The following STXBP3 variants were observed in gnomAD, a reference collection of about 807,000 sequenced individuals.
STXBP3 encodes the protein syntaxin binding protein 3.
Under a neutral mutation model 85.7 loss-of-function variants are expected in STXBP3, and 41 were observed. The observed-to-expected ratio is 0.48, with a 90% confidence interval of 0.37 to 0.62. The LOEUF is 0.62. Among genes scored for constraint, STXBP3 ranks in the 20% least tolerant of loss-of-function variants. The probability of loss-of-function intolerance (pLI) is 0.00; values close to 1 mark genes in which losing one functional copy is unlikely to be tolerated. For missense variants in STXBP3, 563 were observed against 703.1 expected (o/e 0.80, Z 2.25); for synonymous variants, 229 against 231.7 (o/e 0.99, Z 0.10).
chr1:108,784,171 T>C (rs559075839), intron 11 of STXBP3, among the ~76,000 whole-genome samples: 2 of 152,382 alleles, frequency 1.3e-5, no homozygotes, highest in South Asian at 4.1e-4. Flanking sequence ...GTCATTAATA[T>C]ATTCTTCTGT....
chr1:108,807,257 CAAAAAAA>C (rs201346701), intron 17 of STXBP3, 137 bp from the exon 18 acceptor site: 22 of 699,698 alleles, frequency 3.1e-5, no homozygotes, highest in East Asian at 1.1e-4. Flanking sequence ...GACTCCACCT[CAAAAAAA>C]AAAAAAAAAA....
chr1:108,752,138 T>C, intron 1 of STXBP3, 119 bp from the exon 2 acceptor site: 1 of 840,876 alleles, frequency 1.2e-6, no homozygotes, highest in Non-Finnish European at 1.9e-6. Flanking sequence ...CAAATATGTA[T>C]GCTTTTTATG....
chr1:108,777,865 T>C (rs1662622459), intron 8 of STXBP3, among the ~76,000 whole-genome samples: 1 of 152,180 alleles, frequency 6.6e-6, no homozygotes, highest in South Asian at 2.1e-4. Context: ...TATTGCACTT[T>C]TTCCTGTTTA....
chr1:108,803,206 G>A (rs1663267324), intron 17 of STXBP3, among the ~76,000 whole-genome samples: 2 of 152,154 alleles, frequency 1.3e-5, no homozygotes, highest in South Asian at 4.1e-4. Context: ...ACTCAACAAA[G>A]TCGAAGATTA....
chr1:108,807,638 G>A (rs61797352), intron 18 of STXBP3, 89 bp downstream of exon 18: 79,796 of 1,363,042 alleles, frequency 0.059, 2,624 homozygotes, highest in Admixed American at 0.076. Context: ...GTGGAATGGC[G>A]CAATCTTGGC....
At chr1:108,806,981 C>T (rs188208410) in intron 17 of STXBP3, among the ~76,000 whole-genome samples, 88 of 152,200 alleles carry the variant, frequency 5.8e-4, no homozygotes, top group African/African-American at 2.0e-3. Context: ...GGGCCGGGCG[C>T]GGTGGCTTAT....
At chr1:108,793,851 A>C (rs940917816) in intron 12 of STXBP3, among the ~76,000 whole-genome samples, 1 of 151,818 alleles carries the variant, frequency 6.6e-6, no homozygotes, top group East Asian at 2.0e-4. Flanking sequence ...ATTTATCTGA[A>C]TCCAGCTTAA....
rs1358369260 is a variant in STXBP3 at position 108,796,706 on chromosome 1, G to T, written c.1336G>T (p.Gly446Cys). 1 of 1,613,196 alleles carries T rather than the reference G, an allele frequency of 6.2e-7. No individual in the cohort carries two copies. The highest frequency in any genetic ancestry group is 8.5e-7 in the Non-Finnish European group (1 of 1,179,670). Residue 446 changes from glycine to cysteine, a missense_variant, in exon 15 of 19, where the codon GGT becomes TGT. Physicochemically the swap from Gly to Cys is radical, Grantham distance 159. Transcript: ENST00000370008. ...CATGATTCGTAACTGGAGTTACCTTGGTGTTCCCATTGTTCCCCAAGTAAG... is the reference window on the plus strand; with the variant it reads ...CATGATTCGTAACTGGAGTTACCTTTGTGTTCCCATTGTTCCCCAAGTAAG... ...SDMIRNWSYL[G>C]VPIVPQSQQG...
At chr1:108,753,195 C>A in intron 3 of STXBP3, 51 bp downstream of exon 3, 1 of 1,325,572 alleles carries the variant, frequency 7.5e-7, no homozygotes, top group Non-Finnish European at 1.0e-6. Flanking sequence ...TGGGGGAGAT[C>A]TGAGGTATTA....
Position 108,800,211 on chromosome 1 carries a change from C to T in STXBP3, c.1450-9C>T, listed in dbSNP as rs1331373991. On this transcript the variant is annotated splice_polypyrimidine_tract_variant and intron_variant, in intron 16 of 18. Transcript: ENST00000370008. ...TTTTATTGATGGAATTAACTCTTTCCTTCCTTAGGATGCTATTGATAATAG... is the reference window on the plus strand; with the variant it reads ...TTTTATTGATGGAATTAACTCTTTCTTTCCTTAGGATGCTATTGATAATAG... 3.8e-6 allele frequency: 6 copies of T among 1,592,040 alleles called. No individual in the cohort carries two copies. Among genetic ancestry groups the T allele is most frequent in the Non-Finnish European group, 5.2e-6 (6 of 1,160,702 alleles).
At chr1:108,780,483 G>C (rs1345713502) in intron 9 of STXBP3, 1 of 148,808 alleles carries the variant, frequency 6.7e-6, no homozygotes, top group Non-Finnish European at 1.5e-5. Flanking sequence ...ATAAGAATTA[G>C]ATGGAAGTAA....
chr1:108,782,732 G>A, intron 11 of STXBP3, 26 bp downstream of exon 11: 2 of 1,547,908 alleles, frequency 1.3e-6, no homozygotes, highest in Non-Finnish European at 1.7e-6. Context: ...AACTTTCAAA[G>A]TAATAGTGAA....
intron 13 of STXBP3, 93 bp downstream of exon 13, chr1:108,795,000 T>A: frequency 8.9e-7 from 1 of 1,118,994 alleles, no homozygotes; most frequent in Non-Finnish European, 1.3e-6. Flanking sequence ...ATACAGTGGT[T>A]GGTTTTTACA....
rs1662206434 is a variant in STXBP3 at position 108,764,106 on chromosome 1, G to A, written c.438+4021G>A. ...TGTGACCGTGTATTCTCATCATTTA[G>A]CTCCTACTTGTAAGTGAAAACATGT... is the stretch of plus-strand genomic sequence containing the variant. On this transcript the variant is annotated intron_variant, in intron 6 of 18. Coordinates refer to ENST00000370008, the MANE Select transcript of STXBP3 (RefSeq NM_007269.4). Among the ~76,000 whole-genome samples the A allele has an allele frequency of 2.0e-5, 3 of 151,930 alleles. No homozygotes were observed. In the South Asian group the frequency reaches 6.2e-4, roughly 32 times the overall value.
chr1:108,753,180 G>A, intron 3 of STXBP3, 36 bp downstream of exon 3: 1 of 1,420,970 alleles, frequency 7.0e-7, no homozygotes, highest in Non-Finnish European at 9.5e-7. Context: ...CTTTTTAATT[G>A]TAATTGGGGG....
chr1:108,782,434 T>C lies in STXBP3; in HGVS notation c.822T>C (p.Asp274=). 1.9e-6 allele frequency: 3 copies of C among 1,612,544 alleles called. No individual in the cohort carries two copies. The highest frequency in any genetic ancestry group is 3.3e-5 in the Admixed American group (2 of 59,744). Residue 274 remains aspartate (D), a synonymous_variant, in exon 10 of 19, where the codon GAT becomes GAC. Coordinates refer to ENST00000370008, the MANE Select transcript of STXBP3 (RefSeq NM_007269.4). Reference sequence around the variant, plus strand: ...TGTCTACTTGTAGATATAAAACAGATGGAAAAGAAAAGGAGGCCATCCTTG... The same window carrying C: ...TGTCTACTTGTAGATATAAAACAGACGGAAAAGAAAAGGAGGCCATCCTTG... ...IENDTYKYKT[D]GKEKEAILEE...
chr1:108,778,231 G>A (rs576515752), intron 8 of STXBP3, among the ~76,000 whole-genome samples: 3 of 152,226 alleles, frequency 2.0e-5, no homozygotes, highest in South Asian at 4.1e-4. Context: ...GAAAATGTTT[G>A]TATAATGATC....
intron 6 of STXBP3, among the ~76,000 whole-genome samples, chr1:108,762,626 A>G (rs993197723): frequency 1.1e-4 from 17 of 152,290 alleles, no homozygotes; most frequent in Middle Eastern, 3.4e-3. Flanking sequence ...AAGGGTGCCA[A>G]TGGAATGTGA....
At chr1:108,798,072 C>T (rs1333915579) in intron 15 of STXBP3, 73 bp from the exon 16 acceptor site, 8 of 1,204,054 alleles carry the variant, frequency 6.6e-6, no homozygotes, top group Non-Finnish European at 9.5e-6. Flanking sequence ...TAAATATCTT[C>T]GTTAGGAAAC....
Sources: gnomAD v4.1 joint callset for allele counts (sites outside exome capture counted in the v4.1 genomes callset) on GRCh38, gnomAD v4.1.1 for gene constraint, MANE v1.5 for transcripts, NCBI Gene and HGNC (gene_info 2026-07-23, HGNC 2026-07-21) for gene names.